STPG1: variants seen among roughly 807,000 people sequenced by gnomAD.
STPG1 encodes the protein sperm tail PG-rich repeat containing 1.
Under a neutral mutation model 40.1 loss-of-function variants are expected in STPG1, and 33 were observed. The ratio of observed to expected loss-of-function variants is 0.82; its 90% CI spans 0.62 to 1.10. The LOEUF (loss-of-function observed/expected upper bound fraction) is 1.10. STPG1 is among the 50% of genes least tolerant of loss of function. STPG1 has a pLI of 0.00. For synonymous variants in STPG1, 150 were observed against 155.0 expected, an observed-to-expected ratio of 0.97 and a Z score of 0.24; for missense variants, 396 against 415.1, an observed-to-expected ratio of 0.95 and a Z score of 0.40.
At chr1:24,376,553 T>A (rs1276350251) in intron 5 of STPG1, among the ~76,000 whole-genome samples, 3 of 152,242 alleles carry the variant, frequency 2.0e-5, no homozygotes, top group African/African-American at 7.2e-5. Context: ...AACAGCTGCA[T>A]ACTACTGGAA....
chr1:24,366,476 A>G (rs1281573716), intron 7 of STPG1, among the ~76,000 whole-genome samples: 1 of 152,222 alleles, frequency 6.6e-6, no homozygotes, highest in Non-Finnish European at 1.5e-5. Context: ...TTTTCATTAC[A>G]TCATTTTCTT....
chr1:24,413,507 G>A (rs995085290), intron 1 of STPG1, among the ~76,000 whole-genome samples, 167 bp downstream of exon 1: 5 of 152,388 alleles, frequency 3.3e-5, no homozygotes, highest in Admixed American at 2.6e-4. Context: ...CAACTCCCAT[G>A]GTGGCTTCTT....
chr1:24,358,900 T>G (rs1640903427), intron 8 of STPG1, among the ~76,000 whole-genome samples: 1 of 152,190 alleles, frequency 6.6e-6, no homozygotes, highest in South Asian at 2.1e-4. Context: ...GAAAAGAAAT[T>G]GAGTAAAGCA....
chr1:24,369,742 T>C lies in STPG1; in HGVS notation c.669A>G (p.Ser223=). 6.2e-7 allele frequency: 1 copy of C among 1,613,226 alleles called. No individual in the cohort carries two copies. The highest frequency in any genetic ancestry group is 8.5e-7 in the Non-Finnish European group (1 of 1,179,266). The stretch of plus-strand genomic sequence containing the variant: ...TGTAATAACCAGGTCCCGGGCCTGT[T>C]GACGTCAGTTTTAATCCACGGTTGG... ...SKTNRGLKLT[S]TGPGPGYYNP... is the part of the protein sequence containing the mutation. Residue 223 remains serine (S), a synonymous_variant, in exon 7 of 9, where the codon TCA becomes TCG. Transcript: ENST00000337248.
chr1:24,375,323 T>C (rs1641971495), intron 5 of STPG1, among the ~76,000 whole-genome samples: 1 of 152,212 alleles, frequency 6.6e-6, no homozygotes, highest in Non-Finnish European at 1.5e-5. Context: ...GGATATTTGC[T>C]GAATGAGTGA....
chr1:24,371,911 C>T (rs1346446986), intron 6 of STPG1, among the ~76,000 whole-genome samples: 1 of 152,156 alleles, frequency 6.6e-6, no homozygotes, highest in African/African-American at 2.4e-5. Context: ...GGCGTGGTTG[C>T]TCACACCTGT....
rs750910867 is a variant in STPG1, at chr1:24,373,818, G to T, written c.463-8C>A. On this transcript the variant is annotated splice_region_variant and splice_polypyrimidine_tract_variant and intron_variant, in intron 5 of 8. Transcript: ENST00000337248. ...GCAGCAAGAGACAGAGGCCTAGGGG[G>T]AGAAAATACACCCAATGTACTCAGT... is the stretch of plus-strand genomic sequence containing the variant. The T allele has an allele frequency of 1.9e-6, 3 of 1,582,176 alleles. No homozygotes were observed. Among genetic ancestry groups the T allele is most frequent in the East Asian group, 2.3e-5 (1 of 44,330 alleles).
rs931558234 is a variant in STPG1 at position 24,359,121 on chromosome 1, C to T, written c.929-502G>A. 1.3e-5 allele frequency among the ~76,000 whole-genome samples: 2 copies of T among 152,208 alleles called. No individual in the cohort carries two copies. The highest frequency in any genetic ancestry group is 6.5e-5 in the Admixed American group (1 of 15,282). On this transcript the variant is annotated intron_variant, in intron 8 of 8. Transcript: ENST00000337248. The surrounding 1 kb of genome is among the most constrained non-coding windows in gnomAD (Gnocchi z 5.3). Reference sequence around the variant, plus strand: ...CGTGCACAGCCTCTCTGTTCCTATACTTGGAAAGCCGCTCAGGGGAGCCCA... The same window carrying T: ...CGTGCACAGCCTCTCTGTTCCTATATTTGGAAAGCCGCTCAGGGGAGCCCA...
Position 24,366,238 on chromosome 1 carries a change from G to A in STPG1, c.737+3436C>T, listed in dbSNP as rs977338340. 3.3e-5 allele frequency among the ~76,000 whole-genome samples: 5 copies of A among 152,162 alleles called. No individual in the cohort carries two copies. The East Asian group carries it at 5.8e-4, about 18-fold the overall frequency. ...GAAAGAAACATGGCGGCAAGTCACC[G>A]CCGCTCCACGTAGCCGTGGAGAGCT... On this transcript the variant is annotated intron_variant, in intron 7 of 8. Coordinates refer to ENST00000337248, the MANE Select transcript of STPG1 (RefSeq NM_001199013.2).
chr1:24,399,492 G>T lies in STPG1; in HGVS notation c.70+1827C>A, dbSNP rs1643133189. ...CTTGGGATGGGCAAAGATTTCTTAA[G>T]TATTAATAAAATAGACATGTACACT... is the stretch of plus-strand genomic sequence containing the variant. On this transcript the variant is annotated intron_variant, in intron 2 of 8. Transcript: ENST00000337248. This position sits in a 1 kb window ranked among gnomAD's most constrained non-coding sequence, Gnocchi z 4.0. 6.6e-6 allele frequency among the ~76,000 whole-genome samples: 1 copy of T among 152,080 alleles called. No homozygotes were observed. Among genetic ancestry groups the T allele is most frequent in the Non-Finnish European group, 1.5e-5 (1 of 68,000 alleles).
chr1:24,374,248 T>C (rs898247700), intron 5 of STPG1, among the ~76,000 whole-genome samples: 1 of 86,648 alleles, frequency 1.2e-5, no homozygotes, highest in Non-Finnish European at 2.1e-5. Flanking sequence ...GAAAGTGTTT[T>C]TTTTTTTTGT....
intron 1 of STPG1, among the ~76,000 whole-genome samples, chr1:24,408,165 T>A (rs1224387675): frequency 6.6e-6 from 1 of 152,254 alleles, no homozygotes; most frequent in Non-Finnish European, 1.5e-5. Context: ...TAAACTTTGT[T>A]ATGGCAAGTC....
chr1:24,358,185 A>T lies in STPG1; in HGVS notation c.*358T>A. On this transcript the variant is annotated 3_prime_UTR_variant, in exon 9 of 9. Coordinates refer to ENST00000337248, the MANE Select transcript of STPG1 (RefSeq NM_001199013.2). ...GCTTGGCCACCTTCAGGGTGGACTGATCCTCCTTGAAGTCTGCGCTTCAGG... is the reference window on the plus strand; with the variant it reads ...GCTTGGCCACCTTCAGGGTGGACTGTTCCTCCTTGAAGTCTGCGCTTCAGG... 1.9e-6 allele frequency: 1 copy of T among 518,790 alleles called. No homozygotes were observed. 32.1% of individuals were successfully genotyped at this position (518,790 alleles called of 1,614,324 possible). A position where few individuals can be genotyped will look rare whatever the true frequency, so the allele number is the denominator to read the frequency against.
intron 4 of STPG1, among the ~76,000 whole-genome samples, 196 bp downstream of exon 4, chr1:24,383,706 T>C (rs1254622086): frequency 6.6e-6 from 1 of 152,138 alleles, no homozygotes; most frequent in Admixed American, 6.5e-5. Flanking sequence ...ACCCTGGCAG[T>C]GGGTAGAGAT....
intron 6 of STPG1, among the ~76,000 whole-genome samples, chr1:24,372,963 G>A (rs549135018): frequency 1.8e-4 from 28 of 152,286 alleles, no homozygotes; most frequent in South Asian, 1.7e-3. Context: ...CCCCAAGGCC[G>A]GCAGGGGAAA....
At chr1:24,381,980 T>C (rs977719099) in intron 4 of STPG1, among the ~76,000 whole-genome samples, 1 of 152,228 alleles carries the variant, frequency 6.6e-6, no homozygotes, top group Non-Finnish European at 1.5e-5. Flanking sequence ...TAAGTGCTTA[T>C]ACCTGAGTGT....
intron 5 of STPG1, among the ~76,000 whole-genome samples, chr1:24,379,085 A>G (rs958618097): frequency 2.6e-5 from 4 of 152,212 alleles, no homozygotes; most frequent in Non-Finnish European, 4.4e-5. Flanking sequence ...CAGTAAACTA[A>G]GCCCTGGAAA....
chr1:24,371,376 T>C (rs892997216), intron 6 of STPG1, among the ~76,000 whole-genome samples: 5 of 151,996 alleles, frequency 3.3e-5, no homozygotes, highest in African/African-American at 9.7e-5. Flanking sequence ...ACACTTGAGG[T>C]CAGGAGTTTG....
intron 3 of STPG1, 67 bp downstream of exon 3, chr1:24,391,494 A>G (rs1248132571): frequency 3.0e-6 from 3 of 1,011,556 alleles, no homozygotes. Flanking sequence ...AGCCAGACAG[A>G]ACGTGCCTGT....
Sources: allele counts gnomAD v4.1 joint callset (sites outside exome capture counted in the v4.1 genomes callset), GRCh38; gene constraint gnomAD v4.1.1; non-coding constraint Gnocchi (gnomAD v3.1); transcripts MANE v1.5; gene names NCBI Gene and HGNC (gene_info 2026-07-23, HGNC 2026-07-21).